Variants in MFGE8 observed in about 807,000 individuals in gnomAD.
MFGE8 encodes lactadherin.
Under a neutral mutation model 42.6 loss-of-function variants are expected in MFGE8, and 34 were observed. The ratio of observed to expected loss-of-function variants is 0.80; its 90% CI spans 0.61 to 1.06. The LOEUF is 1.06. Among genes scored for constraint, MFGE8 ranks in the 50% least tolerant of loss-of-function variants. The probability of loss-of-function intolerance (pLI) is 0.00; values close to 1 mark genes in which losing one functional copy is unlikely to be tolerated. For synonymous variants in MFGE8, 230 were observed against 214.8 expected (o/e 1.07, Z -0.62); for missense variants, 510 against 516.9 (o/e 0.99, Z 0.13).
Position 88,906,607 on chromosome 15 carries a change from G to A in MFGE8, c.540+19C>T, listed in dbSNP as rs763632798. On this transcript the variant is annotated intron_variant, in intron 4 of 7. Coordinates refer to ENST00000268150, the MANE Select transcript of MFGE8 (RefSeq NM_005928.4). This position sits in a 1 kb window ranked among gnomAD's most constrained non-coding sequence, Gnocchi z 4.2. Reference sequence around the variant, plus strand: ...GGGTATGGACCACAGCCCTTCTTTCGGGCCCCAACAAGACCTACCTTGTGT... The same window carrying A: ...GGGTATGGACCACAGCCCTTCTTTCAGGCCCCAACAAGACCTACCTTGTGT... 28 of 1,613,466 alleles carry A rather than the reference G, an allele frequency of 1.7e-5. No homozygotes were observed. The highest frequency in any genetic ancestry group is 1.1e-4 in the South Asian group (10 of 90,972).
In MFGE8 at chr15:88,905,533, T is replaced by C; in HGVS notation, c.685+224A>G. On this transcript the variant is annotated intron_variant, in intron 5 of 7. Coordinates refer to ENST00000268150, the MANE Select transcript of MFGE8 (RefSeq NM_005928.4). The surrounding 1 kb of genome is among the most constrained non-coding windows in gnomAD (Gnocchi z 6.6). ...CTTTGAAAACTGATGTCTTTTTCTC[T>C]ATCAATCAGAATGCCCTGGGTCATG... 1 of 700,464 alleles carries C rather than the reference T, an allele frequency of 1.4e-6. No homozygotes were observed. Among genetic ancestry groups the C allele is most frequent in the South Asian group, 1.5e-5 (1 of 66,922 alleles). The allele number at this position is 700,464 out of a possible 1,614,324, so 43.4% of individuals were successfully genotyped here. A position where few individuals can be genotyped will look rare whatever the true frequency, so the allele number is the denominator to read the frequency against.
chr15:88,900,198 C>T (rs566704399), intron 6 of MFGE8, among the ~76,000 whole-genome samples: 63 of 149,108 alleles, frequency 4.2e-4, no homozygotes, highest in African/African-American at 1.4e-3. Flanking sequence ...GCCGAGATGG[C>T]GCCACTGCAC....
Position 88,909,898 on chromosome 15 carries a change from G to A in MFGE8, c.99C>T (p.His33=). The A allele has an allele frequency of 6.2e-7, 1 of 1,614,210 alleles. No individual in the cohort carries two copies. Among genetic ancestry groups the A allele is most frequent in the South Asian group, 1.1e-5 (1 of 91,088 alleles). Residue 33 remains histidine, a synonymous_variant, in exon 2 of 8, where the codon CAC becomes CAT. Transcript: ENST00000268150. Reference sequence around the variant, plus strand: ...AAATCTCCTCGCATAAACCACCGTTGTGGCAGGGGTTTTTGGAACAGATAT... The same window carrying A: ...AAATCTCCTCGCATAAACCACCGTTATGGCAGGGGTTTTTGGAACAGATAT... The part of the protein sequence containing the change: ...ALDICSKNPC[H]NGGLCEEISQ...
intron 2 of MFGE8, among the ~76,000 whole-genome samples, chr15:88,907,994 G>C (rs1301311746): frequency 6.6e-6 from 1 of 152,196 alleles, no homozygotes; most frequent in African/African-American, 2.4e-5. Flanking sequence ...ACTGGCAGGA[G>C]TTCTCTGGGT....
chr15:88,906,915 A>G lies in MFGE8; in HGVS notation c.388-137T>C. 8.9e-7 allele frequency: 1 copy of G among 1,125,014 alleles called. No individual in the cohort carries two copies. Among genetic ancestry groups the G allele is most frequent in the Non-Finnish European group, 1.3e-6 (1 of 766,534 alleles). The allele number at this position is 1,125,014 out of a possible 1,614,324, so 69.7% of individuals were successfully genotyped here. On this transcript the variant is annotated intron_variant, in intron 3 of 7. Transcript: ENST00000268150. The surrounding 1 kb of genome is among the most constrained non-coding windows in gnomAD (Gnocchi z 4.2). ...AAACAGAGGAGGGGTAGCTGAGCAC[A>G]CTGCCCGCACAAAGGGCTTTCTTCT...
chr15:88,905,967 C>T lies in MFGE8; in HGVS notation c.541-66G>A. On this transcript the variant is annotated intron_variant, in intron 4 of 7. Transcript: ENST00000268150. This position sits in a 1 kb window ranked among gnomAD's most constrained non-coding sequence, Gnocchi z 6.6. ...GAGCAGTCCCCCTCCCTGGGGTTAC[C>T]TCATCTTCCTCTTCAGACCTGGGAG... 1 of 1,586,486 alleles carries T rather than the reference C, an allele frequency of 6.3e-7. No individual in the cohort carries two copies. The highest frequency in any genetic ancestry group is 8.7e-7 in the Non-Finnish European group (1 of 1,155,868).
In MFGE8 at chr15:88,906,694, A is replaced by C. The variant is rs149412178; in HGVS notation, c.472T>G (p.Phe158Val). 1,253 of 1,613,920 alleles carry C rather than the reference A, an allele frequency of 7.8e-4. 2 individuals are homozygous for C. The highest frequency in any genetic ancestry group is 9.6e-4 in the Non-Finnish European group (1,127 of 1,179,900). ...RLASHEYLKA[F>V]KVAYSLNGHE... is the part of the protein sequence containing the mutation. ...CCATTAAGGCTGTAGGCCACCTTGAAGGCCTTCAGGTACTCATGACTGGCC... is the reference window on the plus strand; with the variant it reads ...CCATTAAGGCTGTAGGCCACCTTGACGGCCTTCAGGTACTCATGACTGGCC... Residue 158 changes from phenylalanine to valine, a missense_variant, in exon 4 of 8, where the codon TTC (phenylalanine) becomes GTC (valine). Physicochemically the swap from Phe to Val is conservative, Grantham distance 50. Transcript: ENST00000268150. The surrounding 1 kb of genome is among the most constrained non-coding windows in gnomAD (Gnocchi z 4.2).
At position 88,910,042 on chromosome 15, in the gene MFGE8, T is replaced by C. The variant is rs1345149108; in HGVS notation, c.74-119A>G. 4.3e-6 allele frequency: 5 copies of C among 1,149,948 alleles called. No individual in the cohort carries two copies. The African/African-American group carries it at 7.6e-5, about 18-fold the overall frequency. The allele number at this position is 1,149,948 out of a possible 1,614,324, so 71.2% of individuals were successfully genotyped here. On this transcript the variant is annotated intron_variant, in intron 1 of 7. Coordinates refer to ENST00000268150, the MANE Select transcript of MFGE8 (RefSeq NM_005928.4). ...TCCACTCAAACTCGCCCATTATCTC[T>C]TCCTCTCCCTCTTCCCCCGTGTGCT...
At chr15:88,911,219 G>C (rs1007085861) in intron 1 of MFGE8, 1 of 152,438 alleles carries the variant, frequency 6.6e-6, no homozygotes, top group Non-Finnish European at 1.5e-5. Flanking sequence ...GGCCACCAGG[G>C]CTTCTGGATG....
chr15:88,913,304 G>A lies in MFGE8; in HGVS notation c.16C>T (p.Leu6=), dbSNP rs1001904039. 7 of 1,466,278 alleles carry A rather than the reference G, an allele frequency of 4.8e-6. No individual in the cohort carries two copies. In the African/African-American group the frequency reaches 1.0e-4, roughly 22 times the overall value. The allele number at this position is 1,466,278 out of a possible 1,614,324, so 90.8% of individuals were successfully genotyped here. A position where few individuals can be genotyped will look rare whatever the true frequency, so the allele number is the denominator to read the frequency against. MPRPR[L]LAALCGALLC... ...AGCGCGCCGCACAGCGCGGCCAGCAGGCGGGGGCGCGGCATGCTGCGGGGA... is the reference window on the plus strand; with the variant it reads ...AGCGCGCCGCACAGCGCGGCCAGCAAGCGGGGGCGCGGCATGCTGCGGGGA... The change falls in exon 1 of 8, where the codon CTG becomes TTG. Residue 6 remains leucine, a synonymous_variant. Coordinates refer to ENST00000268150, the MANE Select transcript of MFGE8 (RefSeq NM_005928.4).
In MFGE8 at chr15:88,905,105, G is replaced by A. The variant is rs1898607219; in HGVS notation, c.685+652C>T. On this transcript the variant is annotated intron_variant, in intron 5 of 7. Transcript: ENST00000268150. The surrounding 1 kb of genome is among the most constrained non-coding windows in gnomAD (Gnocchi z 6.6). ...ATGGTCTCCCCAGCTCTTCATCTGG[G>A]AATCTCTTTGGAAAAGGCAGCAGGA... 6.6e-6 allele frequency among the ~76,000 whole-genome samples: 1 copy of A among 152,186 alleles called. No homozygotes were observed. The highest frequency in any genetic ancestry group is 2.4e-5 in the African/African-American group (1 of 41,438).
chr15:88,901,183 TCA>T (rs747045547), intron 6 of MFGE8, among the ~76,000 whole-genome samples: 5,797 of 46,504 alleles, frequency 0.12, 811 homozygotes, highest in Middle Eastern at 0.19. Flanking sequence ...TCTCACACAT[TCA>T]CACACACATT....
In MFGE8 at chr15:88,906,351, T is replaced by C; in HGVS notation, c.540+275A>G. The C allele has an allele frequency of 2.0e-6, 1 of 497,552 alleles. No homozygotes were observed. Among genetic ancestry groups the C allele is most frequent in the Non-Finnish European group, 3.7e-6 (1 of 271,990 alleles). The allele number at this position is 497,552 out of a possible 1,614,324, so 30.8% of individuals were successfully genotyped here. ...TACATGTACCCATGAAGGCTCAGAA[T>C]GAAACCCAGCTCCACCACCACTATC... is the stretch of plus-strand genomic sequence containing the variant. On this transcript the variant is annotated intron_variant, in intron 4 of 7. Coordinates refer to ENST00000268150, the MANE Select transcript of MFGE8 (RefSeq NM_005928.4). This position sits in a 1 kb window ranked among gnomAD's most constrained non-coding sequence, Gnocchi z 4.2.
rs1286874497 is a variant in MFGE8, at chr15:88,906,747, C to A, written c.419G>T (p.Gly140Val). 4.3e-6 allele frequency: 7 copies of A among 1,613,366 alleles called. No individual in the cohort carries two copies. In the African/African-American group the frequency reaches 9.3e-5, roughly 22 times the overall value. ...GCGGCTGGCACCCTGCGTCACCACA[C>A]CTGTTACCCACATCCTCCGCAGCAG... ...VNLLRRMWVT[G>V]VVTQGASRLA... The change falls in exon 4 of 8, where the codon GGT becomes GTT. Residue 140 changes from glycine to valine, a missense_variant. Transcript: ENST00000268150. The surrounding 1 kb of genome is among the most constrained non-coding windows in gnomAD (Gnocchi z 4.2).
At position 88,906,739 on chromosome 15, in the gene MFGE8, TCAC is replaced by T. The variant is rs1898698447; in HGVS notation, c.424_426del (p.Val142del). The T allele has an allele frequency of 6.2e-7, 1 of 1,613,374 alleles. No homozygotes were observed. The highest frequency in any genetic ancestry group is 1.1e-5 in the South Asian group (1 of 91,040). On this transcript the variant is annotated inframe_deletion, in exon 4 of 8. Coordinates refer to ENST00000268150, the MANE Select transcript of MFGE8 (RefSeq NM_005928.4). This position sits in a 1 kb window ranked among gnomAD's most constrained non-coding sequence, Gnocchi z 4.2. ...CTGGCCAAGCGGCTGGCACCCTGCG[TCAC>T]CACACCTGTTACCCACATCCTCCGC...
rs1255124097 is a variant in MFGE8 at position 88,899,353 on chromosome 15, G to A, written c.*42C>T. ...GGGGCTGAGAAGCCAAGAGGCAGCG[G>A]GCCCATGGAAAGCAGGAAGACCTGG... is the stretch of plus-strand genomic sequence containing the variant. On this transcript the variant is annotated 3_prime_UTR_variant, in exon 8 of 8. Transcript: ENST00000268150. This position sits in a 1 kb window ranked among gnomAD's most constrained non-coding sequence, Gnocchi z 6.8. 1.9e-6 allele frequency: 3 copies of A among 1,612,298 alleles called. No individual in the cohort carries two copies. Among genetic ancestry groups the A allele is most frequent in the African/African-American group, 2.7e-5 (2 of 74,928 alleles).
In MFGE8 at chr15:88,905,187, AC is replaced by A. The variant is rs1435274610; in HGVS notation, c.685+569del. On this transcript the variant is annotated intron_variant, in intron 5 of 7. Coordinates refer to ENST00000268150, the MANE Select transcript of MFGE8 (RefSeq NM_005928.4). The surrounding 1 kb of genome is among the most constrained non-coding windows in gnomAD (Gnocchi z 6.6). Reference sequence around the variant, plus strand: ...GCCCCTGTGTTTCTCTGGAGTGCAGACTCTTAAGAGTTTGGCAGGGAAAGCT... The same window carrying A: ...GCCCCTGTGTTTCTCTGGAGTGCAGATCTTAAGAGTTTGGCAGGGAAAGCT... 6.6e-6 allele frequency among the ~76,000 whole-genome samples: 1 copy of A among 152,056 alleles called. No homozygotes were observed.
chr15:88,901,287 T>G (rs28404614), intron 6 of MFGE8, among the ~76,000 whole-genome samples: 3 of 99,896 alleles, frequency 3.0e-5, no homozygotes, highest in South Asian at 3.4e-4. Context: ...ACACTCACAT[T>G]CACACACATT....
chr15:88,908,077 C>T (rs1345693190), intron 2 of MFGE8, among the ~76,000 whole-genome samples: 2 of 152,178 alleles, frequency 1.3e-5, no homozygotes, highest in African/African-American at 4.8e-5. Context: ...CATCTGTGAA[C>T]ATGCCCGTGG....
Sources: allele counts gnomAD v4.1 joint callset (sites outside exome capture counted in the v4.1 genomes callset), GRCh38; gene constraint gnomAD v4.1.1; non-coding constraint Gnocchi (gnomAD v3.1); transcripts MANE v1.5; gene names NCBI Gene and HGNC (gene_info 2026-07-23, HGNC 2026-07-21).